Variants in KDM4B observed in about 807,000 individuals in gnomAD.
KDM4B encodes lysine-specific demethylase 4B.
Under a neutral mutation model 125.2 loss-of-function variants are expected in KDM4B, and 32 were observed. The ratio of observed to expected loss-of-function variants is 0.26; its 90% CI spans 0.19 to 0.34. The LOEUF (loss-of-function observed/expected upper bound fraction) is 0.34. Ranked by LOEUF, KDM4B falls within the 10% of genes least tolerant of loss-of-function variation. The probability of loss-of-function intolerance (pLI) is 1.00; values close to 1 mark genes in which losing one functional copy is unlikely to be tolerated. For missense variants in KDM4B, 1,190 were observed against 1,577.7 expected, an observed-to-expected ratio of 0.75 and a Z score of 4.16; for synonymous variants, 721 against 677.9, an observed-to-expected ratio of 1.06 and a Z score of -0.99.
chr19:5,103,019 A>C (rs1251417381), intron 9 of KDM4B, among the ~76,000 whole-genome samples: 3 of 152,020 alleles, frequency 2.0e-5, no homozygotes, highest in East Asian at 3.9e-4. Context: ...CCACGTACCC[A>C]CCTCTCCCAC....
Position 5,151,919 on chromosome 19 carries a change from A to C in KDM4B, c.*408A>C. On this transcript the variant is annotated 3_prime_UTR_variant, in exon 23 of 23. Transcript: ENST00000159111. Reference sequence around the variant, plus strand: ...GAAAAAAAGGAAAACAAAGGAAAATATCCCCAAAGTTGTTTTCTAGATTTG... The same window carrying C: ...GAAAAAAAGGAAAACAAAGGAAAATCTCCCCAAAGTTGTTTTCTAGATTTG... 1 of 169,782 alleles carries C rather than the reference A, an allele frequency of 5.9e-6. No homozygotes were observed. The highest frequency in any genetic ancestry group is 1.2e-5 in the Non-Finnish European group (1 of 80,124). The allele number at this position is 169,782 out of a possible 1,614,324, so 10.5% of individuals were successfully genotyped here.
chr19:5,117,374 G>A (rs1027132282), intron 10 of KDM4B, among the ~76,000 whole-genome samples: 1 of 152,070 alleles, frequency 6.6e-6, no homozygotes, highest in Non-Finnish European at 1.5e-5. Context: ...GTGGAGCTGG[G>A]GGCAGCTGAG....
chr19:5,148,571 G>A (rs1357930036), intron 21 of KDM4B, among the ~76,000 whole-genome samples: 2 of 152,258 alleles, frequency 1.3e-5, no homozygotes, highest in East Asian at 3.9e-4. Flanking sequence ...GGCCGAGTCG[G>A]GGCCGGGGAG....
intron 6 of KDM4B, among the ~76,000 whole-genome samples, chr19:5,067,650 G>A (rs1006404240): frequency 6.6e-6 from 1 of 152,114 alleles, no homozygotes; most frequent in African/African-American, 2.4e-5. Context: ...AGGGGAGGGA[G>A]GGAATGCCAG....
intron 2 of KDM4B, among the ~76,000 whole-genome samples, chr19:5,021,885 C>T (rs1232992390): frequency 2.6e-5 from 4 of 152,134 alleles, no homozygotes; most frequent in African/African-American, 4.8e-5. Flanking sequence ...CTGCCTGCCT[C>T]GTCCTCCCAA....
chr19:4,970,478 C>T (rs1332632459), intron 1 of KDM4B, among the ~76,000 whole-genome samples: 1 of 152,108 alleles, frequency 6.6e-6, no homozygotes, highest in East Asian at 1.9e-4. Flanking sequence ...CTTGGGATCT[C>T]TGGATACTGG....
chr19:5,021,187 G>A (rs968022302), intron 2 of KDM4B, among the ~76,000 whole-genome samples: 7 of 151,600 alleles, frequency 4.6e-5, no homozygotes, highest in Admixed American at 1.3e-4. Context: ...TGCAGGCTTC[G>A]GGCGGCCCTG....
intron 6 of KDM4B, among the ~76,000 whole-genome samples, chr19:5,062,022 C>T (rs1338150383): frequency 6.6e-6 from 1 of 152,210 alleles, no homozygotes. Context: ...AATGCCAGGG[C>T]TGGAGCCTTC....
chr19:5,020,033 ACGTTGGTGTGCAGG>A (rs2036054380), intron 2 of KDM4B, among the ~76,000 whole-genome samples: 1 of 79,832 alleles, frequency 1.3e-5, no homozygotes, highest in African/African-American at 5.1e-5. Context: ...GTTGGTGTGG[ACGTTGGTGTGCAGG>A]TGTCGGTGTG....
chr19:4,970,056 C>T lies in KDM4B; in HGVS notation c.-109+826C>T, dbSNP rs547671444. On this transcript the variant is annotated intron_variant, in intron 1 of 22. Coordinates refer to ENST00000159111, the MANE Select transcript of KDM4B (RefSeq NM_015015.3). ...TTTTCTGTGTCCCCCGTGGACATCC[C>T]CCTGGGAGCTGGGGACGGACTCGCT... Among the ~76,000 whole-genome samples, 143 of 152,184 alleles carry T rather than the reference C, an allele frequency of 9.4e-4. 1 individual carries two copies. The highest frequency in any genetic ancestry group is 3.4e-3 in the African/African-American group (140 of 41,510).
intron 21 of KDM4B, among the ~76,000 whole-genome samples, chr19:5,146,359 A>T (rs1443236630): frequency 1.3e-5 from 2 of 152,218 alleles, no homozygotes; most frequent in Non-Finnish European, 2.9e-5. Context: ...CGGACCTTGC[A>T]GGGTCTTCCC....
At chr19:5,031,757 T>G (rs1007392004) in intron 2 of KDM4B, among the ~76,000 whole-genome samples, 1 of 152,140 alleles carries the variant, frequency 6.6e-6, no homozygotes, top group Non-Finnish European at 1.5e-5. Context: ...GCCGTCCTGC[T>G]CAGATTCCTG....
intron 9 of KDM4B, among the ~76,000 whole-genome samples, chr19:5,088,500 G>C (rs2620796): frequency 5.9e-5 from 9 of 152,300 alleles, no homozygotes; most frequent in Middle Eastern, 6.8e-3. Context: ...AGGTCGATGG[G>C]GGGGAGGTTG....
intron 2 of KDM4B, among the ~76,000 whole-genome samples, chr19:5,023,849 G>A (rs148311138): frequency 2.2e-5 from 3 of 134,952 alleles, no homozygotes; most frequent in Non-Finnish European, 4.6e-5. Flanking sequence ...CTGCAGCCTC[G>A]ATCTCCTGTG....
chr19:5,116,635 G>A (rs2039261401), intron 10 of KDM4B, among the ~76,000 whole-genome samples: 1 of 152,160 alleles, frequency 6.6e-6, no homozygotes, highest in South Asian at 2.1e-4. Flanking sequence ...CCCTGCATAG[G>A]AGACCACAGC....
At chr19:5,053,356 C>T (rs1178074994) in intron 6 of KDM4B, among the ~76,000 whole-genome samples, 1 of 152,234 alleles carries the variant, frequency 6.6e-6, no homozygotes, top group Non-Finnish European at 1.5e-5. Context: ...CAGGGGACCG[C>T]AGCCAGGTCT....
intron 6 of KDM4B, among the ~76,000 whole-genome samples, chr19:5,059,754 C>T (rs1323950114): frequency 1.3e-5 from 2 of 150,726 alleles, no homozygotes; most frequent in African/African-American, 4.9e-5. Flanking sequence ...TGCTGTGTGT[C>T]TGTGGGTGCC....
intron 5 of KDM4B, 145 bp from the exon 6 acceptor site, chr19:5,047,331 C>A (rs908928854): frequency 2.9e-6 from 2 of 693,510 alleles, no homozygotes; most frequent in East Asian, 2.7e-5. Flanking sequence ...AGGGTATGAC[C>A]GGCCCCTGGG....
At chr19:5,033,139 T>G in intron 3 of KDM4B, 108 bp downstream of exon 3, 4 of 1,328,790 alleles carry the variant, frequency 3.0e-6, no homozygotes, top group Non-Finnish European at 3.1e-6. Context: ...CCTGTGCACG[T>G]GGAATGTGTT....
Sources: gnomAD v4.1 joint callset for allele counts (sites outside exome capture counted in the v4.1 genomes callset) on GRCh38, gnomAD v4.1.1 for gene constraint, MANE v1.5 for transcripts, NCBI Gene and HGNC (gene_info 2026-07-23, HGNC 2026-07-21) for gene names.